The following FER1L6 variants were observed in gnomAD, a reference collection of about 807,000 sequenced individuals.
FER1L6 encodes the protein fer-1-like protein 6.
Under a neutral mutation model 219.2 loss-of-function variants are expected in FER1L6, and 177 were observed. That is an observed-to-expected ratio of 0.81 (90% CI 0.71 to 0.91). The LOEUF (loss-of-function observed/expected upper bound fraction) is 0.91, where lower values mean the gene tolerates loss of function less well. FER1L6 is among the 40% of genes least tolerant of loss of function. The probability of loss-of-function intolerance (pLI) is 0.00; values close to 1 mark genes in which losing one functional copy is unlikely to be tolerated. For missense variants in FER1L6, 2,153 were observed against 2,259.9 expected (o/e 0.95, Z 0.96); for synonymous variants, 768 against 824.3 (o/e 0.93, Z 1.17).
rs534663360 is a variant in FER1L6 at position 123,910,503 on chromosome 8, C to T, written c.-7-45489C>T. On this transcript the variant is annotated intron_variant, in intron 1 of 40. Coordinates refer to ENST00000522917, the MANE Select transcript of FER1L6 (RefSeq NM_001039112.2). ...TCTGTGTGGCCACATCCTGTGATAA[C>T]TTAACATTCTTTTTGTTCAACATAA... Among the ~76,000 whole-genome samples the T allele has an allele frequency of 2.6e-5, 4 of 152,304 alleles. No individual in the cohort carries two copies. The East Asian group carries it at 7.7e-4, about 29-fold the overall frequency.
chr8:123,854,094 T>C (rs2130235172), intron 1 of FER1L6, among the ~76,000 whole-genome samples: 1 of 152,322 alleles, frequency 6.6e-6, no homozygotes, highest in Non-Finnish European at 1.5e-5. Flanking sequence ...AAAAGACGTC[T>C]GGTGAGATGG....
At chr8:124,085,081 G>A (rs546945543) in intron 33 of FER1L6, among the ~76,000 whole-genome samples, 1 of 152,064 alleles carries the variant, frequency 6.6e-6, no homozygotes, top group African/African-American at 2.4e-5. Context: ...CATATCATTA[G>A]TAGCCTCTAA....
chr8:123,983,563 A>G (rs970878153), intron 11 of FER1L6, among the ~76,000 whole-genome samples: 7 of 152,176 alleles, frequency 4.6e-5, no homozygotes, highest in Admixed American at 2.0e-4. Flanking sequence ...TATTTCCTGG[A>G]GTGAGTGAAG....
chr8:124,065,016 G>A (rs1364266902), intron 26 of FER1L6, among the ~76,000 whole-genome samples: 1 of 152,122 alleles, frequency 6.6e-6, no homozygotes, highest in African/African-American at 2.4e-5. Flanking sequence ...CACAAAACAA[G>A]GATATAGTTA....
At chr8:124,097,522 G>A (rs1263807671) in intron 36 of FER1L6, among the ~76,000 whole-genome samples, 163 bp downstream of exon 36, 2 of 152,040 alleles carry the variant, frequency 1.3e-5, no homozygotes, top group East Asian at 1.9e-4. Context: ...TTAAGGGAGG[G>A]GCTTCTGAGT....
At chr8:123,940,398 T>C (rs1814189891) in intron 1 of FER1L6, among the ~76,000 whole-genome samples, 1 of 152,108 alleles carries the variant, frequency 6.6e-6, no homozygotes, top group Non-Finnish European at 1.5e-5. Context: ...AGTGCAATGG[T>C]GCGATCTCAG....
At chr8:123,890,724 C>T (rs991412888) in intron 1 of FER1L6, among the ~76,000 whole-genome samples, 1 of 133,748 alleles carries the variant, frequency 7.5e-6, no homozygotes. Context: ...AAACCAACAA[C>T]AAGAAAATCC....
At chr8:124,077,467 C>G (rs1244739706) in intron 32 of FER1L6, among the ~76,000 whole-genome samples, 1 of 152,190 alleles carries the variant, frequency 6.6e-6, no homozygotes, top group Admixed American at 6.5e-5. Flanking sequence ...TAGCCTCTTA[C>G]ATTTTATTGC....
intron 12 of FER1L6, among the ~76,000 whole-genome samples, chr8:123,990,034 C>T (rs1465348328): frequency 6.6e-6 from 1 of 151,982 alleles, no homozygotes; most frequent in Non-Finnish European, 1.5e-5. Flanking sequence ...TTTGTGAGGC[C>T]GAGGTGGGCG....
At chr8:123,961,244 C>T (rs976195814) in intron 2 of FER1L6, among the ~76,000 whole-genome samples, 1 of 152,052 alleles carries the variant, frequency 6.6e-6, no homozygotes, top group South Asian at 2.1e-4. Flanking sequence ...CCAGCCTGGG[C>T]GATAGAGTAA....
chr8:123,853,679 C>G lies in FER1L6; in HGVS notation c.-8+1494C>G, dbSNP rs1462212155. ...AGTAACATATTTTGAGAGAACCTATCCAAGTTGCACGTATGCAGGTGACAT... is the reference window on the plus strand; with the variant it reads ...AGTAACATATTTTGAGAGAACCTATGCAAGTTGCACGTATGCAGGTGACAT... On this transcript the variant is annotated intron_variant, in intron 1 of 40. Transcript: ENST00000522917. This position sits in a 1 kb window ranked among gnomAD's most constrained non-coding sequence, Gnocchi z 6.6. 6.6e-6 allele frequency among the ~76,000 whole-genome samples: 1 copy of G among 152,170 alleles called. No individual in the cohort carries two copies. The highest frequency in any genetic ancestry group is 1.5e-5 in the Non-Finnish European group (1 of 68,044).
rs1818255410 is a variant in FER1L6 at position 124,017,581 on chromosome 8, T to C, written c.1923-47T>C. ...TTGCAAACCTCTGGAATTATATAAATGGATTTTCACTAAGTAGGTTTCAAA... is the reference window on the plus strand; with the variant it reads ...TTGCAAACCTCTGGAATTATATAAACGGATTTTCACTAAGTAGGTTTCAAA... On this transcript the variant is annotated intron_variant, in intron 15 of 40. Transcript: ENST00000522917. 7 of 1,408,334 alleles carry C rather than the reference T, an allele frequency of 5.0e-6. No homozygotes were observed. In the East Asian group the frequency reaches 1.6e-4, roughly 32 times the overall value. The allele number at this position is 1,408,334 out of a possible 1,614,324, so 87.2% of individuals were successfully genotyped here. A position where few individuals can be genotyped will look rare whatever the true frequency, so the allele number is the denominator to read the frequency against.
At position 124,066,563 on chromosome 8, in the gene FER1L6, C is replaced by T; in HGVS notation, c.3678+13C>T. 1.9e-6 allele frequency: 3 copies of T among 1,610,970 alleles called. No individual in the cohort carries two copies. Among genetic ancestry groups the T allele is most frequent in the Non-Finnish European group, 2.5e-6 (3 of 1,178,930 alleles). On this transcript the variant is annotated intron_variant, in intron 27 of 40. Transcript: ENST00000522917. ...GAAAGCCCAGAAGGTAGAGTCTCCC[C>T]TACCTGTGGCAGTTAAGAGATTCAA...
At chr8:123,934,756 C>T (rs142542171) in intron 1 of FER1L6, among the ~76,000 whole-genome samples, 43 of 152,104 alleles carry the variant, frequency 2.8e-4, no homozygotes, top group African/African-American at 8.2e-4. Context: ...ATAATCCCCA[C>T]GTGTTGGGGG....
intron 1 of FER1L6, among the ~76,000 whole-genome samples, chr8:123,858,313 A>G (rs1211647105): frequency 6.6e-6 from 1 of 152,154 alleles, no homozygotes; most frequent in Non-Finnish European, 1.5e-5. Flanking sequence ...CTATTCTCTT[A>G]AACTTTGAGA....
chr8:124,093,653 C>T (rs1025217044), intron 34 of FER1L6, among the ~76,000 whole-genome samples: 4 of 151,728 alleles, frequency 2.6e-5, no homozygotes, highest in African/African-American at 9.7e-5. Flanking sequence ...CACTTTTTTG[C>T]CCACTAGAAG....
chr8:123,995,017 T>G (rs1817061848), intron 12 of FER1L6, among the ~76,000 whole-genome samples: 1 of 152,234 alleles, frequency 6.6e-6, no homozygotes, highest in African/African-American at 2.4e-5. Flanking sequence ...CAGAGGCAAT[T>G]TATCTCCTTC....
intron 18 of FER1L6, among the ~76,000 whole-genome samples, chr8:124,032,597 C>T (rs894477665): frequency 4.6e-5 from 7 of 151,886 alleles, no homozygotes; most frequent in African/African-American, 1.5e-4. Context: ...CAAAACTATC[C>T]GGGCATGGTG....
intron 18 of FER1L6, among the ~76,000 whole-genome samples, chr8:124,026,323 A>G (rs1441820579): frequency 1.3e-5 from 2 of 152,196 alleles, no homozygotes; most frequent in East Asian, 1.9e-4. Context: ...TCCCAATATC[A>G]GTTCTGGTTT....
Sources: allele counts gnomAD v4.1 joint callset (sites outside exome capture counted in the v4.1 genomes callset), GRCh38; gene constraint gnomAD v4.1.1; non-coding constraint Gnocchi (gnomAD v3.1); transcripts MANE v1.5; gene names NCBI Gene and HGNC (gene_info 2026-07-23, HGNC 2026-07-21).